The following SH3GL1 variants were observed in gnomAD, a reference collection of about 807,000 sequenced individuals.
SH3GL1 encodes SH3 domain containing GRB2 like 1, endophilin A2.
A neutral mutation model predicts 48.8 loss-of-function variants in SH3GL1; 21 were observed. The observed-to-expected ratio is 0.43, with a 90% CI of 0.30 to 0.62. SH3GL1 has a LOEUF of 0.62. Among genes scored for constraint, SH3GL1 ranks in the 20% least tolerant of loss-of-function variants. SH3GL1 has a pLI of 0.11. For missense variants in SH3GL1, 454 were observed against 503.0 expected, an observed-to-expected ratio of 0.90 and a Z score of 0.93; for synonymous variants, 282 against 217.5, an observed-to-expected ratio of 1.30 and a Z score of -2.61.
chr19:4,363,387 C>T lies in SH3GL1; in HGVS notation c.711G>A (p.Ala237=), dbSNP rs759613785. The part of the protein sequence containing the change: ...RQAVQILDEL[A]EKLKRRMREA... Reference sequence around the variant, plus strand: ...GGGCTCACCTGCGCTTGAGCTTCTCCGCCAGCTCGTCCAGGATCTGCACGG... The same window carrying T: ...GGGCTCACCTGCGCTTGAGCTTCTCTGCCAGCTCGTCCAGGATCTGCACGG... Residue 237 remains alanine, a synonymous_variant, in exon 7 of 10, where the codon GCG becomes GCA. Coordinates refer to ENST00000269886, the MANE Select transcript of SH3GL1 (RefSeq NM_003025.4). The T allele has an allele frequency of 2.8e-5, 45 of 1,606,456 alleles. No individual in the cohort carries two copies. Among genetic ancestry groups the T allele is most frequent in the African/African-American group, 5.4e-5 (4 of 74,720 alleles).
intron 1 of SH3GL1, among the ~76,000 whole-genome samples, chr19:4,397,166 G>C (rs1039473995): frequency 6.6e-6 from 1 of 152,164 alleles, no homozygotes; most frequent in Non-Finnish European, 1.5e-5. Flanking sequence ...ATGTCAGAGG[G>C]AACCATGGCA....
intron 1 of SH3GL1, among the ~76,000 whole-genome samples, chr19:4,371,978 CTTTT>C (rs370404106): frequency 6.6e-6 from 1 of 151,864 alleles, no homozygotes; most frequent in Non-Finnish European, 1.5e-5. Flanking sequence ...AAGGCCTCAT[CTTTT>C]TTTTTCTTTT....
intron 1 of SH3GL1, among the ~76,000 whole-genome samples, chr19:4,378,261 G>C (rs1426158167): frequency 2.0e-5 from 3 of 152,190 alleles, no homozygotes; most frequent in African/African-American, 7.2e-5. Flanking sequence ...ACGCCACGAG[G>C]CAAGCAGGCT....
chr19:4,393,513 C>A (rs923981297), intron 1 of SH3GL1, among the ~76,000 whole-genome samples: 1 of 151,996 alleles, frequency 6.6e-6, no homozygotes, highest in South Asian at 2.1e-4. Flanking sequence ...TAAAAATAGG[C>A]GAGGCACAGT....
intron 4 of SH3GL1, 29 bp from the exon 5 acceptor site, chr19:4,364,250 A>G: frequency 6.2e-7 from 1 of 1,613,602 alleles, no homozygotes; most frequent in Non-Finnish European, 8.5e-7. Context: ...GGAAGCCATC[A>G]TACCGGGCCT....
intron 1 of SH3GL1, among the ~76,000 whole-genome samples, chr19:4,373,786 C>T (rs1057305174): frequency 4.6e-5 from 7 of 152,236 alleles, no homozygotes; most frequent in African/African-American, 1.7e-4. Flanking sequence ...GGCTTCCCCA[C>T]GGCCCCCAGG....
chr19:4,387,293 T>C (rs1411903694), intron 1 of SH3GL1, among the ~76,000 whole-genome samples: 1 of 151,830 alleles, frequency 6.6e-6, no homozygotes, highest in African/African-American at 2.4e-5. Flanking sequence ...ACTACTATAG[T>C]ACAGGCTTTG....
At chr19:4,363,980 C>T in intron 5 of SH3GL1, 102 bp from the exon 6 acceptor site, 1 of 1,603,432 alleles carries the variant, frequency 6.2e-7, no homozygotes, top group Non-Finnish European at 8.5e-7. Flanking sequence ...TCCTGCCTGC[C>T]TGAGACCCAG....
chr19:4,384,959 C>T (rs1025214963), intron 1 of SH3GL1, among the ~76,000 whole-genome samples: 2 of 152,062 alleles, frequency 1.3e-5, no homozygotes, highest in Non-Finnish European at 2.9e-5. Flanking sequence ...TGAAAATTAT[C>T]CGGGTGTGGT....
At chr19:4,395,913 A>AAAAT (rs1555744855) in intron 1 of SH3GL1, 127 of 149,424 alleles carry the variant, frequency 8.5e-4, no homozygotes, top group African/African-American at 3.0e-3. Flanking sequence ...TCTGTCTCAA[A>AAAAT]ATATATATAT....
chr19:4,394,501 G>A (rs982995010), intron 1 of SH3GL1, among the ~76,000 whole-genome samples: 2 of 151,988 alleles, frequency 1.3e-5, no homozygotes, highest in African/African-American at 4.8e-5. Flanking sequence ...CCAGTCTATG[G>A]CCAGTTCATG....
chr19:4,385,734 G>A (rs1022149550), intron 1 of SH3GL1, among the ~76,000 whole-genome samples: 3 of 152,256 alleles, frequency 2.0e-5, no homozygotes, highest in African/African-American at 7.2e-5. Context: ...AAGGCTGGGA[G>A]TGGGAGAACA....
In SH3GL1 at chr19:4,400,182, TG is replaced by T; in HGVS notation, c.45+141del. 1 of 893,128 alleles carries T rather than the reference TG, an allele frequency of 1.1e-6. No individual in the cohort carries two copies. The highest frequency in any genetic ancestry group is 1.6e-6 in the Non-Finnish European group (1 of 616,472). 55.3% of individuals were successfully genotyped at this position (893,128 alleles called of 1,614,324 possible). ...CACCTCGTCGCCCCCGTCCGTCCCT[TG>T]GTCTTCCCACCTGGCAGGGGACACG... On this transcript the variant is annotated intron_variant, in intron 1 of 9. Transcript: ENST00000269886. The surrounding 1 kb of genome is among the most constrained non-coding windows in gnomAD (Gnocchi z 4.1).
At chr19:4,392,450 G>C in intron 1 of SH3GL1, among the ~76,000 whole-genome samples, 1 of 151,574 alleles carries the variant, frequency 6.6e-6, no homozygotes, top group East Asian at 1.9e-4. Context: ...CTTGGACCCA[G>C]GAAGCGGAGG....
rs369182889 is a variant in SH3GL1 at position 4,360,603 on chromosome 19, C to G, written c.*997G>C. 2.2e-3 allele frequency: 517 copies of G among 232,960 alleles called. No homozygotes were observed. The highest frequency in any genetic ancestry group is 9.9e-3 in the African/African-American group (450 of 45,396). 14.4% of individuals were successfully genotyped at this position (232,960 alleles called of 1,614,324 possible). On this transcript the variant is annotated 3_prime_UTR_variant, in exon 10 of 10. Coordinates refer to ENST00000269886, the MANE Select transcript of SH3GL1 (RefSeq NM_003025.4). ...AGAACTCCCCATTTCATCGATTTTG[C>G]ATTGGGCGATAGAGGAAGCAGATGT... is the stretch of plus-strand genomic sequence containing the variant.
intron 1 of SH3GL1, among the ~76,000 whole-genome samples, chr19:4,370,238 G>A (rs1972870151): frequency 6.6e-6 from 1 of 152,206 alleles, no homozygotes; most frequent in Admixed American, 6.5e-5. Context: ...TGGGGAGGGA[G>A]GACTGAGGCC....
chr19:4,378,348 T>G (rs1027416666), intron 1 of SH3GL1, among the ~76,000 whole-genome samples: 5 of 151,820 alleles, frequency 3.3e-5, no homozygotes, highest in Non-Finnish European at 7.4e-5. Flanking sequence ...GGGCTGTGAC[T>G]CTGAGCAGGA....
At chr19:4,382,042 T>G (rs907294665) in intron 1 of SH3GL1, among the ~76,000 whole-genome samples, 1 of 152,042 alleles carries the variant, frequency 6.6e-6, no homozygotes, top group Non-Finnish European at 1.5e-5. Flanking sequence ...GGGCTAAGAT[T>G]GAGATACTAT....
At chr19:4,361,930 T>G in intron 9 of SH3GL1, 134 bp from the exon 10 acceptor site, 1 of 659,128 alleles carries the variant, frequency 1.5e-6, no homozygotes, top group Non-Finnish European at 2.6e-6. Context: ...GGCCACCCCC[T>G]GCCCCTGCCA....
Sources: allele counts gnomAD v4.1 joint callset (sites outside exome capture counted in the v4.1 genomes callset), GRCh38; gene constraint gnomAD v4.1.1; non-coding constraint Gnocchi (gnomAD v3.1); transcripts MANE v1.5; gene names NCBI Gene and HGNC (gene_info 2026-07-23, HGNC 2026-07-21).